The following TENM1 variants were observed in gnomAD, a reference collection of about 807,000 sequenced individuals.
The protein encoded by TENM1 is teneurin transmembrane protein 1, also known as teneurin-1.
Under a neutral mutation model 174.8 loss-of-function variants are expected in TENM1, and 35 were observed. That is an observed-to-expected ratio of 0.20 (90% CI 0.15 to 0.27). The LOEUF is 0.27. Ranked by LOEUF, TENM1 falls within the 10% of genes least tolerant of loss-of-function variation. TENM1 has a pLI of 1.00. For missense variants in TENM1, 1,633 were observed against 2,130.1 expected, an observed-to-expected ratio of 0.77 and a Z score of 4.59; for synonymous variants, 781 against 798.7, an observed-to-expected ratio of 0.98 and a Z score of 0.37.
the TENM1 span, among the ~76,000 whole-genome samples, chrX:124,996,684 T>C: frequency 9.0e-6 from 1 of 110,865 alleles, no homozygotes; most frequent in African/African-American, 3.3e-5. Context: ...GTAGGCAATA[T>C]ATACTCATCA....
intron 22 of TENM1, among the ~76,000 whole-genome samples, chrX:124,474,286 C>A (rs2061364672): frequency 9.0e-6 from 1 of 111,473 alleles, no homozygotes; most frequent in South Asian, 3.8e-4. Flanking sequence ...TGTGTAGGCA[C>A]TATTACTAGT....
intron 11 of TENM1, among the ~76,000 whole-genome samples, chrX:124,597,672 C>T (rs559081744): frequency 1.8e-5 from 2 of 110,636 alleles, no homozygotes; most frequent in African/African-American, 3.3e-5. Context: ...CCTCCTCCCC[C>T]CAAACCTATT....
chrX:124,693,202 G>A (rs2052570743), intron 5 of TENM1, among the ~76,000 whole-genome samples: 1 of 110,358 alleles, frequency 9.1e-6, no homozygotes, highest in African/African-American at 3.3e-5. Flanking sequence ...CACATGACTA[G>A]GAGTTGATAG....
At chrX:124,553,138 C>G (rs113073914) in intron 14 of TENM1, among the ~76,000 whole-genome samples, 4,224 of 111,060 alleles carry the variant, frequency 0.038, 201 homozygotes, top group African/African-American at 0.13. Flanking sequence ...TCCAATTATA[C>G]TATTTTAGGT....
At chrX:124,825,003 A>G (rs2056121446) in intron 3 of TENM1, among the ~76,000 whole-genome samples, 1 of 110,530 alleles carries the variant, frequency 9.0e-6, no homozygotes, top group Non-Finnish European at 1.9e-5. Flanking sequence ...CATTACACAA[A>G]GGTAACTTAC....
intron 27 of TENM1, among the ~76,000 whole-genome samples, chrX:124,398,995 C>G (rs2060369807): frequency 8.9e-6 from 1 of 112,572 alleles, no homozygotes; most frequent in Admixed American, 9.4e-5. Flanking sequence ...CGACTACCCA[C>G]TGTAATTTAC....
chrX:124,529,386 C>G (rs1423716380), intron 16 of TENM1, among the ~76,000 whole-genome samples: 2 of 111,748 alleles, frequency 1.8e-5, no homozygotes, highest in African/African-American at 6.5e-5. Flanking sequence ...GTAGGCTGGC[C>G]AAGCTTGTCT....
chrX:124,785,022 T>C (rs2055002867), intron 3 of TENM1, among the ~76,000 whole-genome samples: 1 of 112,050 alleles, frequency 8.9e-6, no homozygotes, highest in Non-Finnish European at 1.9e-5. Context: ...ATTCTTTGGC[T>C]AGTCACCTAT....
the TENM1 span, among the ~76,000 whole-genome samples, chrX:125,103,871 A>C: frequency 8.9e-6 from 1 of 111,946 alleles, no homozygotes; most frequent in Non-Finnish European, 1.9e-5. Context: ...CTGTAGTCCC[A>C]GCTACTCAAG....
At chrX:124,710,851 C>T (rs1281049403) in intron 4 of TENM1, among the ~76,000 whole-genome samples, 1 of 112,024 alleles carries the variant, frequency 8.9e-6, no homozygotes, top group African/African-American at 3.2e-5. Flanking sequence ...TTGTCATAGG[C>T]TTTGCAGTCC....
chrX:125,086,417 AC>A, the TENM1 span, among the ~76,000 whole-genome samples: 3 of 111,091 alleles, frequency 2.7e-5, no homozygotes, highest in East Asian at 2.8e-4. Context: ...ACAGAAAAAA[AC>A]ATATATTTTT....
chrX:124,965,983 C>T (rs934149944), upstream of TENM1, among the ~76,000 whole-genome samples: 2 of 111,551 alleles, frequency 1.8e-5, no homozygotes, highest in Non-Finnish European at 3.8e-5. Context: ...AATAGATGGC[C>T]ACAAGGCTCT....
rs1253399619 is a variant in TENM1, at chrX:124,951,272, CCA to C, written c.217+12263_217+12264del. Among the ~76,000 whole-genome samples the C allele has an allele frequency of 6.3e-5, 7 of 111,176 alleles. 1 individual carries two copies. Among genetic ancestry groups the C allele is most frequent in the African/African-American group, 2.3e-4 (7 of 30,633 alleles). ...TGAGACAAATATCAAAAATACAAAGCCACCTCCAAGCTTTTAGGTTCTCTTCA... is the reference window on the plus strand; with the variant it reads ...TGAGACAAATATCAAAAATACAAAGCCCTCCAAGCTTTTAGGTTCTCTTCA... On this transcript the variant is annotated intron_variant, in intron 1 of 31. Coordinates refer to ENST00000422452, the Ensembl canonical transcript of TENM1.
intron 11 of TENM1, among the ~76,000 whole-genome samples, chrX:124,583,312 C>T (rs867613979): frequency 8.1e-5 from 9 of 111,308 alleles, no homozygotes; most frequent in South Asian, 3.9e-4. Flanking sequence ...ACATCTCACA[C>T]GGCCGGGTAC....
intron 20 of TENM1, among the ~76,000 whole-genome samples, chrX:124,492,956 A>C (rs2047105091): frequency 1.8e-5 from 2 of 110,887 alleles, no homozygotes; most frequent in Admixed American, 9.6e-5. Flanking sequence ...CTAATAAAAA[A>C]AAAGTTAAGA....
the TENM1 span, among the ~76,000 whole-genome samples, chrX:125,003,794 A>G: frequency 2.7e-5 from 3 of 111,707 alleles, no homozygotes; most frequent in African/African-American, 9.8e-5. Flanking sequence ...TAAGACATCA[A>G]CAACTGGAAT....
the TENM1 span, among the ~76,000 whole-genome samples, chrX:125,200,662 A>T: frequency 3.2e-3 from 350 of 107,790 alleles, 1 homozygote; most frequent in African/African-American, 0.011. Flanking sequence ...TGTGAGAGAG[A>T]GAGAGAGAGA....
the TENM1 span, among the ~76,000 whole-genome samples, chrX:124,984,564 G>A: frequency 8.9e-6 from 1 of 111,926 alleles, no homozygotes; most frequent in African/African-American, 3.2e-5. Context: ...AGCAATCACT[G>A]ATTTTATGGG....
At chrX:124,843,947 G>A (rs1276314656) in intron 3 of TENM1, among the ~76,000 whole-genome samples, 1 of 111,774 alleles carries the variant, frequency 8.9e-6, no homozygotes, top group Non-Finnish European at 1.9e-5. Context: ...AGGAACAGAT[G>A]CATTCAATGA....
Sources: gnomAD v4.1 joint callset for allele counts (sites outside exome capture counted in the v4.1 genomes callset) on GRCh38, gnomAD v4.1.1 for gene constraint, MANE v1.5 for transcripts, NCBI Gene and HGNC (gene_info 2026-07-23, HGNC 2026-07-21) for gene names.